The following CSMD3 variants were observed in gnomAD, a reference collection of about 807,000 sequenced individuals.
The protein encoded by CSMD3 is CUB and Sushi multiple domains 3.
CSMD3 carries 177 observed loss-of-function variants against 435.2 expected under a neutral mutation model. The observed-to-expected ratio is 0.41, with a 90% confidence interval of 0.36 to 0.46. The LOEUF is 0.46. Among genes scored for constraint, CSMD3 ranks in the 20% least tolerant of loss-of-function variants. CSMD3 has a pLI of 0.34. For synonymous variants in CSMD3, 1,656 were observed against 1,520.5 expected (o/e 1.09, Z -2.07); for missense variants, 4,265 against 4,504.6 (o/e 0.95, Z 1.52).
At chr8:112,502,897 T>G in intron 30 of CSMD3, among the ~76,000 whole-genome samples, 1 of 152,156 alleles carries the variant, frequency 6.6e-6, no homozygotes, top group East Asian at 1.9e-4. Flanking sequence ...AATTGAAAAA[T>G]AAATTTAAAT....
In CSMD3 at chr8:112,380,468, T is replaced by C. The variant is rs1274950687; in HGVS notation, c.6032-12A>G. 6 of 1,330,352 alleles carry C rather than the reference T, an allele frequency of 4.5e-6. No individual in the cohort carries two copies. The highest frequency in any genetic ancestry group is 2.3e-5 in the East Asian group (1 of 43,370). 82.4% of individuals were successfully genotyped at this position (1,330,352 alleles called of 1,614,324 possible). A position where few individuals can be genotyped will look rare whatever the true frequency, so the allele number is the denominator to read the frequency against. ...GGGTATTGTTGTTCCTGAAATGATA[T>C]ATGAGAAGGCAAGACAATGACCACA... On this transcript the variant is annotated splice_polypyrimidine_tract_variant and intron_variant, in intron 37 of 70. Transcript: ENST00000297405.
chr8:112,429,015 C>A (rs1305370152), intron 32 of CSMD3, among the ~76,000 whole-genome samples: 5 of 152,090 alleles, frequency 3.3e-5, no homozygotes, highest in Non-Finnish European at 5.9e-5. Context: ...CTAGCATATG[C>A]ATCACCTCAC....
At chr8:112,510,530 T>C (rs1823003599) in intron 28 of CSMD3, among the ~76,000 whole-genome samples, 1 of 152,218 alleles carries the variant, frequency 6.6e-6, no homozygotes, top group African/African-American at 2.4e-5. Flanking sequence ...CCAGGAAGTT[T>C]TCCTGTAGAC....
At chr8:113,211,888 C>T (rs1588285168) in intron 3 of CSMD3, among the ~76,000 whole-genome samples, 2 of 152,228 alleles carry the variant, frequency 1.3e-5, no homozygotes, top group South Asian at 4.1e-4. Context: ...TAGGCTATCT[C>T]TAACTTTCAG....
rs1241361364 is a variant in CSMD3, at chr8:112,517,078, A to T, written c.4712T>A (p.Val1571Glu). Residue 1571 changes from valine (V) to glutamate (E), a missense_variant, in exon 28 of 71, where the codon GTA becomes GAA. Val to Glu is a moderately radical substitution (Grantham distance 121). Coordinates refer to ENST00000297405, the MANE Select transcript of CSMD3 (RefSeq NM_198123.2). ...GGGCTGCCAGAAGTACCGATTTTCT[A>T]CCTGAATGCAGGTTATTCTTTCCTC... ...QGEERITCIQ[V>E]ENRYFWQPSP... 6.2e-7 allele frequency: 1 copy of T among 1,613,868 alleles called. No homozygotes were observed. The highest frequency in any genetic ancestry group is 8.5e-7 in the Non-Finnish European group (1 of 1,179,886).
At chr8:113,280,675 G>C (rs1489297529) in intron 2 of CSMD3, among the ~76,000 whole-genome samples, 1 of 151,728 alleles carries the variant, frequency 6.6e-6, no homozygotes, top group East Asian at 1.9e-4. Flanking sequence ...TCTGATCTTG[G>C]TTATTTCCTT....
At chr8:113,225,828 C>T (rs959535327) in intron 3 of CSMD3, among the ~76,000 whole-genome samples, 9 of 151,396 alleles carry the variant, frequency 5.9e-5, no homozygotes, top group Non-Finnish European at 1.0e-4. Flanking sequence ...GGTTCTATGT[C>T]CCCACCCAAA....
chr8:112,390,885 CT>C, intron 35 of CSMD3, 97 bp from the exon 36 acceptor site: 1 of 1,130,068 alleles, frequency 8.8e-7, no homozygotes, highest in Admixed American at 1.9e-5. Flanking sequence ...AGATACTAGA[CT>C]TGCAAATCAA....
chr8:112,241,758 G>A lies in CSMD3; in HGVS notation c.10430C>T (p.Pro3477Leu), dbSNP rs2130065210. ...EAGSKILVKD[P>L]RPALGTPSPK... ...GCTGGGTGTTCCCAGTGCAGGTCTA[G>A]GATCTTTCACCAATATTTTAGAACC... Residue 3477 changes from proline (P) to leucine (L), a missense_variant, in exon 66 of 71, where the codon CCT becomes CTT. Physicochemically the swap from Pro to Leu is moderately conservative, Grantham distance 98. Around this residue, in one of 3 missense-constraint regions of CSMD3, gnomAD observed 3,255 missense variants for 3,380.2 expected, o/e 0.96. Transcript: ENST00000297405. 1 of 1,612,360 alleles carries A rather than the reference G, an allele frequency of 6.2e-7. No individual in the cohort carries two copies. The highest frequency in any genetic ancestry group is 8.5e-7 in the Non-Finnish European group (1 of 1,178,860).
intron 13 of CSMD3, among the ~76,000 whole-genome samples, chr8:112,698,362 C>T (rs577632360): frequency 6.6e-6 from 1 of 152,108 alleles, no homozygotes; most frequent in African/African-American, 2.4e-5. Context: ...TGCATACACA[C>T]ATATGTACAC....
At chr8:113,076,741 G>T (rs1255490946) in intron 5 of CSMD3, among the ~76,000 whole-genome samples, 1 of 151,996 alleles carries the variant, frequency 6.6e-6, no homozygotes, top group African/African-American at 2.4e-5. Flanking sequence ...CAAATAGAAG[G>T]ATGGCAAAAG....
At chr8:112,397,694 C>T (rs913472091) in intron 35 of CSMD3, among the ~76,000 whole-genome samples, 2 of 152,148 alleles carry the variant, frequency 1.3e-5, no homozygotes, top group African/African-American at 4.8e-5. Flanking sequence ...GCATTAATCC[C>T]ATTCATGAGA....
At chr8:112,606,032 T>G (rs1297514806) in intron 22 of CSMD3, among the ~76,000 whole-genome samples, 2 of 152,128 alleles carry the variant, frequency 1.3e-5, no homozygotes, top group African/African-American at 4.8e-5. Flanking sequence ...ATCATCATCC[T>G]CTGAAGCAGC....
chr8:112,521,635 T>A (rs1402563084), intron 27 of CSMD3, among the ~76,000 whole-genome samples: 1 of 151,880 alleles, frequency 6.6e-6, no homozygotes, highest in South Asian at 2.1e-4. Flanking sequence ...TTCATAAGTT[T>A]AAGTATTATT....
chr8:113,085,248 A>G (rs1316415610), intron 5 of CSMD3, among the ~76,000 whole-genome samples: 1 of 145,712 alleles, frequency 6.9e-6, no homozygotes, highest in African/African-American at 2.5e-5. Context: ...GCCAAAAAAA[A>G]ACCACCCACA....
At chr8:112,596,977 A>C (rs1378917999) in intron 22 of CSMD3, among the ~76,000 whole-genome samples, 2 of 152,156 alleles carry the variant, frequency 1.3e-5, no homozygotes, top group Non-Finnish European at 2.9e-5. Flanking sequence ...AAGAGCAAAC[A>C]CATTCAAAAG....
intron 24 of CSMD3, among the ~76,000 whole-genome samples, chr8:112,570,887 T>C (rs1829454208): frequency 1.3e-5 from 2 of 152,184 alleles, no homozygotes; most frequent in African/African-American, 4.8e-5. Context: ...CTAAAAAATA[T>C]TTATAAATGT....
chr8:112,552,864 A>T, intron 25 of CSMD3, 144 bp from the exon 26 acceptor site: 1 of 692,228 alleles, frequency 1.4e-6, no homozygotes, highest in Non-Finnish European at 2.4e-6. Context: ...TAAAGTATCA[A>T]TTGAAGCAAG....
intron 7 of CSMD3, among the ~76,000 whole-genome samples, chr8:112,960,514 A>G (rs2084188495): frequency 1.3e-5 from 2 of 151,934 alleles, no homozygotes; most frequent in African/African-American, 2.4e-5. Context: ...GGAAGACGAT[A>G]TAATAGAAAA....
Sources: allele counts gnomAD v4.1 joint callset (sites outside exome capture counted in the v4.1 genomes callset), GRCh38; gene constraint gnomAD v4.1.1; regional missense constraint gnomAD v4.1.1; transcripts MANE v1.5; gene names NCBI Gene and HGNC (gene_info 2026-07-23, HGNC 2026-07-21).